PABPC4: variants seen among roughly 807,000 people sequenced by gnomAD.
PABPC4 encodes the protein polyadenylate-binding protein 4.
A neutral mutation model predicts 74.5 loss-of-function variants in PABPC4; 15 were observed. The observed-to-expected ratio is 0.20, with a 90% confidence interval of 0.13 to 0.31. PABPC4 has a LOEUF of 0.31. Ranked by LOEUF, PABPC4 falls within the 10% of genes least tolerant of loss-of-function variation. PABPC4 has a pLI of 1.00. For synonymous variants in PABPC4, 345 were observed against 303.0 expected, an observed-to-expected ratio of 1.14 and a Z score of -1.44; for missense variants, 610 against 853.5, an observed-to-expected ratio of 0.71 and a Z score of 3.55.
At chr1:39,565,913 A>G (rs1017801357) in intron 7 of PABPC4, among the ~76,000 whole-genome samples, 3 of 152,132 alleles carry the variant, frequency 2.0e-5, no homozygotes, top group Non-Finnish European at 4.4e-5. Context: ...AAACCTACAA[A>G]TAGGAAAAAA....
Position 39,572,551 on chromosome 1 carries a change from T to C in PABPC4, c.229A>G (p.Ile77Val). 1.2e-6 allele frequency: 2 copies of C among 1,614,066 alleles called. No homozygotes were observed. The highest frequency in any genetic ancestry group is 2.7e-5 in the African/African-American group (2 of 75,002). Residue 77 changes from isoleucine to valine, a missense_variant, in exon 2 of 16, where the codon ATT (isoleucine) becomes GTT (valine). Transcript: ENST00000372858. Reference sequence around the variant, plus strand: ...ATGATGCGGATTGGCTTTCCCTTAATCACATCAAAGTTCATGGTGTCCAAA... The same window carrying C: ...ATGATGCGGATTGGCTTTCCCTTAACCACATCAAAGTTCATGGTGTCCAAA... ...RALDTMNFDV[I>V]KGKPIRIMWS... is the part of the protein sequence containing the mutation.
At chr1:39,567,905 G>C in intron 6 of PABPC4, 59 bp from the exon 7 acceptor site, 1 of 1,030,460 alleles carries the variant, frequency 9.7e-7, no homozygotes, top group Non-Finnish European at 1.5e-6. Context: ...CCCTAAGAAA[G>C]TGGTTCCCCA....
At position 39,569,688 on chromosome 1, in the gene PABPC4, A is replaced by G. The variant is rs761166226; in HGVS notation, c.645T>C (p.Gly215=). The change falls in exon 5 of 16, where the codon GGT becomes GGC. Residue 215 remains glycine, a splice_region_variant and synonymous_variant. Transcript: ENST00000372858. The part of the protein sequence containing the change: ...ESLKELFSQF[G]KTLSVKVMRD... ...TCATCACCTTGACACTTAGGGTCTTACCTATTACCAAAGGACAGAACTATT... is the reference window on the plus strand; with the variant it reads ...TCATCACCTTGACACTTAGGGTCTTGCCTATTACCAAAGGACAGAACTATT... The G allele has an allele frequency of 6.2e-7, 1 of 1,611,672 alleles. No individual in the cohort carries two copies. The highest frequency in any genetic ancestry group is 8.5e-7 in the Non-Finnish European group (1 of 1,177,750).
At chr1:39,573,409 T>C (rs1645971055) in intron 1 of PABPC4, among the ~76,000 whole-genome samples, 8 of 152,220 alleles carry the variant, frequency 5.3e-5, no homozygotes, top group Admixed American at 3.3e-4. Flanking sequence ...GGAAGTTCTG[T>C]AGAATTCTAG....
chr1:39,574,140 A>G (rs1222092471), intron 1 of PABPC4, among the ~76,000 whole-genome samples: 1 of 152,136 alleles, frequency 6.6e-6, no homozygotes, highest in Non-Finnish European at 1.5e-5. Context: ...ATTATTTCCA[A>G]CAACTTTCCC....
chr1:39,569,787 A>G, intron 4 of PABPC4, 76 bp downstream of exon 4: 6 of 1,590,332 alleles, frequency 3.8e-6, no homozygotes, highest in Non-Finnish European at 5.2e-6. Context: ...AAATCTCTGG[A>G]GCAGTGCCCT....
chr1:39,561,832 C>T, intron 14 of PABPC4, 45 bp from the exon 15 acceptor site: 1 of 1,521,344 alleles, frequency 6.6e-7, no homozygotes, highest in Non-Finnish European at 9.1e-7. Context: ...GAGAGCTACT[C>T]CACCCCTCCC....
chr1:39,572,080 G>A (rs867141099), intron 2 of PABPC4, among the ~76,000 whole-genome samples: 1 of 152,192 alleles, frequency 6.6e-6, no homozygotes. Flanking sequence ...AAGTGATTAA[G>A]TTTCCTCAAG....
chr1:39,567,596 A>G, intron 7 of PABPC4, 155 bp downstream of exon 7: 3 of 696,106 alleles, frequency 4.3e-6, no homozygotes, highest in South Asian at 1.5e-5. Context: ...ATGAAATGTC[A>G]TTCTCCAGAA....
chr1:39,569,824 C>A (rs1645911370), intron 4 of PABPC4, 39 bp downstream of exon 4: 3 of 1,611,166 alleles, frequency 1.9e-6, no homozygotes, highest in Non-Finnish European at 2.5e-6. Flanking sequence ...ACAGATGGGT[C>A]TGGTAGACTG....
intron 3 of PABPC4, 87 bp downstream of exon 3, chr1:39,571,147 G>C: frequency 6.2e-7 from 1 of 1,601,114 alleles, no homozygotes; most frequent in African/African-American, 1.3e-5. Flanking sequence ...CCGAGAACCA[G>C]TAGCCGCCTT....
intron 1 of PABPC4, among the ~76,000 whole-genome samples, chr1:39,575,111 A>G (rs1476292380): frequency 6.6e-6 from 1 of 152,222 alleles, no homozygotes; most frequent in African/African-American, 2.4e-5. Flanking sequence ...ACTCTACAGC[A>G]CAGAGCCTGG....
chr1:39,569,672 T>C lies in PABPC4; in HGVS notation c.661A>G (p.Lys221Glu). The change falls in exon 5 of 16, where the codon AAG becomes GAG. Residue 221 changes from lysine to glutamate, a missense_variant. Lys to Glu is a moderately conservative substitution (Grantham distance 56). This residue lies in a region of PABPC4 where 304 missense variants were observed against 478.9 expected (regional missense o/e 0.63). Transcript: ENST00000372858. ...TTCCCATTGGGATCTCTCATCACCTTGACACTTAGGGTCTTACCTATTACC... is the reference window on the plus strand; with the variant it reads ...TTCCCATTGGGATCTCTCATCACCTCGACACTTAGGGTCTTACCTATTACC... ...FSQFGKTLSV[K>E]VMRDPNGKSK... is the part of the protein sequence containing the mutation. 1 of 1,613,964 alleles carries C rather than the reference T, an allele frequency of 6.2e-7. No homozygotes were observed. The highest frequency in any genetic ancestry group is 1.3e-5 in the African/African-American group (1 of 75,054).
chr1:39,569,617 T>C lies in PABPC4; in HGVS notation c.716A>G (p.Glu239Gly), dbSNP rs1426168802. ...KSKGFGFVSY[E>G]KHEDANKAVE... ...CACCTTATTGGCATCCTCGTGTTTT[T>C]CGTAACTCACAAAGCCAAAGCCTTT... The change falls in exon 5 of 16, where the codon GAA becomes GGA. Residue 239 changes from glutamate to glycine, a missense_variant. Glu to Gly is a moderately conservative substitution (Grantham distance 98). Coordinates refer to ENST00000372858, the MANE Select transcript of PABPC4 (RefSeq NM_001135653.2). 1.9e-6 allele frequency: 3 copies of C among 1,613,968 alleles called. No homozygotes were observed. Among genetic ancestry groups the C allele is most frequent in the African/African-American group, 2.7e-5 (2 of 74,930 alleles).
Position 39,572,394 on chromosome 1 carries a change from T to C in PABPC4, c.386A>G (p.Lys129Arg). The change falls in exon 2 of 16, where the codon AAG (lysine) becomes AGG (arginine). Residue 129 changes from lysine to arginine, a missense_variant and splice_region_variant. Physicochemically the swap from Lys to Arg is conservative, Grantham distance 26. Around this residue, in one of 4 missense-constraint regions of PABPC4, gnomAD observed 304 missense variants for 478.9 expected, o/e 0.63. Transcript: ENST00000372858. ...FSAFGNILSC[K>R]VVCDENGSKG... ...TAAAATCATTTAATCAATGTTTACC[T>C]TGCAGGACAGTATGTTTCCAAAAGC... 1 of 1,601,078 alleles carries C rather than the reference T, an allele frequency of 6.2e-7. No individual in the cohort carries two copies. The highest frequency in any genetic ancestry group is 8.6e-7 in the Non-Finnish European group (1 of 1,168,434).
intron 1 of PABPC4, among the ~76,000 whole-genome samples, chr1:39,574,119 T>C (rs1473323898): frequency 1.3e-5 from 2 of 152,152 alleles, no homozygotes; most frequent in Admixed American, 6.5e-5. Flanking sequence ...CGGGAGAATT[T>C]ATTTTCACTC....
intron 7 of PABPC4, among the ~76,000 whole-genome samples, chr1:39,566,736 T>G (rs200678795): frequency 6.6e-6 from 1 of 152,198 alleles, no homozygotes; most frequent in African/African-American, 2.4e-5. Context: ...GGTATGGCTC[T>G]TCTGCTCTCT....
At chr1:39,572,159 A>G (rs934918295) in intron 2 of PABPC4, among the ~76,000 whole-genome samples, 2 of 152,326 alleles carry the variant, frequency 1.3e-5, no homozygotes, top group East Asian at 1.9e-4. Context: ...TTCCAAAGCT[A>G]AAGAATAGGA....
At chr1:39,571,944 T>C (rs566199338) in intron 2 of PABPC4, among the ~76,000 whole-genome samples, 55 of 152,222 alleles carry the variant, frequency 3.6e-4, no homozygotes, top group African/African-American at 1.3e-3. Flanking sequence ...AACAAAACAT[T>C]TTCCAAGGCC....
Sources: allele counts gnomAD v4.1 joint callset (sites outside exome capture counted in the v4.1 genomes callset), GRCh38; gene constraint gnomAD v4.1.1; regional missense constraint gnomAD v4.1.1; transcripts MANE v1.5; gene names NCBI Gene and HGNC (gene_info 2026-07-23, HGNC 2026-07-21).